Variants in GRM5 observed in about 807,000 individuals in gnomAD.
GRM5 encodes metabotropic glutamate receptor 5.
GRM5 carries 19 observed loss-of-function variants against 83.1 expected under a neutral mutation model. The observed-to-expected ratio is 0.23, with a 90% CI of 0.16 to 0.34. The LOEUF is 0.34. Ranked by LOEUF, GRM5 falls within the 10% of genes least tolerant of loss-of-function variation. GRM5 has a pLI of 1.00. For missense variants in GRM5, 1,160 were observed against 1,588.3 expected (o/e 0.73, Z 4.58); for synonymous variants, 675 against 633.6 (o/e 1.07, Z -0.98).
intron 8 of GRM5, among the ~76,000 whole-genome samples, chr11:88,528,755 C>G (rs1325333499): frequency 6.6e-6 from 1 of 151,896 alleles, no homozygotes; most frequent in Non-Finnish European, 1.5e-5. Context: ...GTAATAATGA[C>G]AAAATATTGA....
chr11:88,606,548 A>G (rs1449154834), intron 4 of GRM5, among the ~76,000 whole-genome samples: 1 of 152,186 alleles, frequency 6.6e-6, no homozygotes, highest in Non-Finnish European at 1.5e-5. Flanking sequence ...CAACCAAAAA[A>G]GATTACTGCA....
At chr11:88,986,138 C>A (rs993164607) in intron 2 of GRM5, among the ~76,000 whole-genome samples, 2 of 152,114 alleles carry the variant, frequency 1.3e-5, no homozygotes, top group African/African-American at 4.8e-5. Context: ...CATGGTACAT[C>A]CATCTCATGG....
chr11:88,695,898 G>T (rs1404959599), intron 3 of GRM5, among the ~76,000 whole-genome samples: 1 of 152,120 alleles, frequency 6.6e-6, no homozygotes, highest in Non-Finnish European at 1.5e-5. Context: ...TGTTTGCAGC[G>T]CCAGAAACCT....
chr11:88,757,137 C>T (rs1942410533), intron 3 of GRM5, among the ~76,000 whole-genome samples: 1 of 152,060 alleles, frequency 6.6e-6, no homozygotes, highest in Non-Finnish European at 1.5e-5. Context: ...GGAAAATATA[C>T]ATTCAAAGCA....
intron 2 of GRM5, among the ~76,000 whole-genome samples, chr11:88,952,626 G>C (rs1938500154): frequency 1.0e-4 from 1 of 9,598 alleles, no homozygotes; most frequent in Non-Finnish European, 3.6e-4. Context: ...CAGAAAGAGA[G>C]CTTTTTTTTT....
At chr11:89,059,223 T>C (rs1941939312) in intron 1 of GRM5, among the ~76,000 whole-genome samples, 1 of 152,198 alleles carries the variant, frequency 6.6e-6, no homozygotes, top group Admixed American at 6.5e-5. Flanking sequence ...GCAAGACCAA[T>C]AGAATAATAT....
chr11:88,597,174 TC>T lies in GRM5; in HGVS notation c.1563+9del, dbSNP rs755933656. 85 of 1,505,370 alleles carry T rather than the reference TC, an allele frequency of 5.6e-5. No individual in the cohort carries two copies. The highest frequency in any genetic ancestry group is 7.4e-5 in the Non-Finnish European group (83 of 1,121,328). 93.3% of individuals were successfully genotyped at this position (1,505,370 alleles called of 1,614,324 possible). On this transcript the variant is annotated intron_variant, in intron 6 of 9. Transcript: ENST00000305447. ...CAACAAAAATGAAAGAAACATAGAT[TC>T]CATTTTACCTTGATCTGGCCTTTCT...
intron 3 of GRM5, among the ~76,000 whole-genome samples, chr11:88,672,498 C>T (rs905692485): frequency 3.3e-5 from 5 of 151,810 alleles, no homozygotes; most frequent in East Asian, 1.9e-4. Context: ...AGAAATTGGG[C>T]CCATGTCTTG....
rs188679666 is a variant in GRM5 at position 88,646,484 on chromosome 11, A to G, written c.1147+6684T>C. Among the ~76,000 whole-genome samples, 20 of 90,306 alleles carry G rather than the reference A, an allele frequency of 2.2e-4. No individual in the cohort carries two copies. In the East Asian group the frequency reaches 5.4e-3, roughly 24 times the overall value. The allele number at this position is 90,306 out of a possible 152,430, so 59.2% of individuals were successfully genotyped here. A position where few individuals can be genotyped will look rare whatever the true frequency, so the allele number is the denominator to read the frequency against. ...GTAATATTTAGATTTAAGTTTTTAAATGCTTAGAAGGAAAACAAAAATTAA... is the reference window on the plus strand; with the variant it reads ...GTAATATTTAGATTTAAGTTTTTAAGTGCTTAGAAGGAAAACAAAAATTAA... On this transcript the variant is annotated intron_variant, in intron 4 of 9. Coordinates refer to ENST00000305447, the MANE Select transcript of GRM5 (RefSeq NM_001143831.3).
rs1419775530 is a variant in GRM5 at position 88,990,188 on chromosome 11, C to T, written c.661+57024G>A. On this transcript the variant is annotated intron_variant, in intron 2 of 9. Transcript: ENST00000305447. ...AAAATGATAAAGGGGATATCACCAC[C>T]GATCCCACAGAAATACAAACTACCA... Among the ~76,000 whole-genome samples, 204 of 149,770 alleles carry T rather than the reference C, an allele frequency of 1.4e-3. 1 individual carries two copies. Among genetic ancestry groups the T allele is most frequent in the African/African-American group, 3.8e-3 (154 of 40,218 alleles).
chr11:88,907,133 C>T (rs1271403658), intron 2 of GRM5, among the ~76,000 whole-genome samples: 1 of 151,496 alleles, frequency 6.6e-6, no homozygotes, highest in Non-Finnish European at 1.5e-5. Context: ...CTTTTCAGGG[C>T]CACATGTCCT....
chr11:88,851,419 A>G (rs1255378147), intron 2 of GRM5, among the ~76,000 whole-genome samples: 1 of 152,168 alleles, frequency 6.6e-6, no homozygotes, highest in East Asian at 1.9e-4. Flanking sequence ...AATAAGGAGC[A>G]CTGTGGGCAT....
chr11:89,010,768 A>C (rs1441428756), intron 2 of GRM5, among the ~76,000 whole-genome samples: 1 of 150,836 alleles, frequency 6.6e-6, no homozygotes, highest in East Asian at 1.9e-4. Context: ...GAGAATAGTT[A>C]TTAGAACGTA....
chr11:88,549,424 A>G (rs1942454304), intron 8 of GRM5, among the ~76,000 whole-genome samples: 1 of 151,350 alleles, frequency 6.6e-6, no homozygotes, highest in African/African-American at 2.4e-5. Context: ...TGGGTGACAG[A>G]GCCACACCTT....
At chr11:88,844,991 G>A (rs1199741357) in intron 3 of GRM5, among the ~76,000 whole-genome samples, 2 of 152,212 alleles carry the variant, frequency 1.3e-5, no homozygotes, top group African/African-American at 4.8e-5. Flanking sequence ...TTGTTGAAAT[G>A]ACAACAAAGA....
intron 7 of GRM5, among the ~76,000 whole-genome samples, chr11:88,586,609 T>C (rs1262823996): frequency 6.6e-6 from 1 of 152,214 alleles, no homozygotes; most frequent in East Asian, 1.9e-4. Flanking sequence ...GGCTTTGGAA[T>C]AGCTGAAGCC....
chr11:88,797,381 C>G (rs886924511), intron 3 of GRM5, among the ~76,000 whole-genome samples: 1 of 152,158 alleles, frequency 6.6e-6, no homozygotes, highest in African/African-American at 2.4e-5. Flanking sequence ...ACCTCCTGAT[C>G]CATCCGCCTC....
chr11:88,791,537 A>G (rs182918454), intron 3 of GRM5, among the ~76,000 whole-genome samples: 128 of 152,216 alleles, frequency 8.4e-4, no homozygotes, highest in African/African-American at 2.9e-3. Context: ...GACACATAAT[A>G]AGGATGCAAT....
chr11:88,821,404 G>A (rs1166124802), intron 3 of GRM5, among the ~76,000 whole-genome samples: 1 of 150,546 alleles, frequency 6.6e-6, no homozygotes, highest in East Asian at 2.0e-4. Context: ...AAAGTAGGAG[G>A]AGGAAGGGTC....
Sources: gnomAD v4.1 joint callset for allele counts (sites outside exome capture counted in the v4.1 genomes callset) on GRCh38, gnomAD v4.1.1 for gene constraint, MANE v1.5 for transcripts, NCBI Gene and HGNC (gene_info 2026-07-23, HGNC 2026-07-21) for gene names.